The following ARHGEF17 variants were observed in gnomAD, a reference collection of about 807,000 sequenced individuals.
ARHGEF17 encodes 164 kDa Rho-specific guanine-nucleotide exchange factor.
A neutral mutation model predicts 174.0 loss-of-function variants in ARHGEF17; 80 were observed. That is an observed-to-expected ratio of 0.46 (90% CI 0.38 to 0.55). The LOEUF (loss-of-function observed/expected upper bound fraction) is 0.55. ARHGEF17 is among the 20% of genes least tolerant of loss of function. The pLI, the probability that ARHGEF17 is intolerant of heterozygous loss-of-function variation, is 0.00. For missense variants in ARHGEF17, 2,886 were observed against 2,839.7 expected (o/e 1.02, Z -0.37); for synonymous variants, 1,311 against 1,189.1 (o/e 1.10, Z -2.11).
chr11:73,336,049 G>A (rs755616983), intron 1 of ARHGEF17, among the ~76,000 whole-genome samples: 2 of 152,212 alleles, frequency 1.3e-5, no homozygotes, highest in Non-Finnish European at 2.9e-5. Context: ...CCATGGAAGA[G>A]AATACAGCCT....
chr11:73,315,342 G>C (rs1342910307), intron 1 of ARHGEF17, among the ~76,000 whole-genome samples: 2 of 152,320 alleles, frequency 1.3e-5, no homozygotes, highest in East Asian at 3.9e-4. Flanking sequence ...CACACAGCAA[G>C]GGCGGGCAGA....
intron 1 of ARHGEF17, among the ~76,000 whole-genome samples, chr11:73,323,688 C>A (rs927697710): frequency 6.6e-6 from 1 of 152,246 alleles, no homozygotes; most frequent in Non-Finnish European, 1.5e-5. Context: ...CCAAGGCCAG[C>A]GGGGGCGTTG....
chr11:73,338,631 G>A (rs1424547842), intron 1 of ARHGEF17, among the ~76,000 whole-genome samples: 2 of 152,084 alleles, frequency 1.3e-5, no homozygotes, highest in African/African-American at 4.8e-5. Flanking sequence ...ATCTGTTCAT[G>A]TCACTGTCTT....
Position 73,356,250 on chromosome 11 carries a change from G to A in ARHGEF17, c.3739G>A (p.Val1247Met). 2 of 1,613,918 alleles carry A rather than the reference G, an allele frequency of 1.2e-6. No individual in the cohort carries two copies. Among genetic ancestry groups the A allele is most frequent in the Non-Finnish European group, 1.7e-6 (2 of 1,180,036 alleles). ...LLEAQRNIKQ[V>M]AERINKGVRS... Reference sequence around the variant, plus strand: ...GGAGGCGCAGCGGAACATCAAGCAGGTGGCTGAGCGCATCAACAAGGGTGT... The same window carrying A: ...GGAGGCGCAGCGGAACATCAAGCAGATGGCTGAGCGCATCAACAAGGGTGT... The change falls in exon 6 of 21, where the codon GTG becomes ATG. Residue 1247 changes from valine to methionine, a missense_variant. Transcript: ENST00000263674.
intron 15 of ARHGEF17, 24 bp from the exon 16 acceptor site, chr11:73,363,723 C>T (rs905179499): frequency 6.2e-7 from 1 of 1,613,244 alleles, no homozygotes; most frequent in African/African-American, 1.3e-5. Context: ...AGCATTTGTC[C>T]CAGGTGCATA....
intron 3 of ARHGEF17, among the ~76,000 whole-genome samples, chr11:73,354,465 C>T (rs1429143322): frequency 6.6e-6 from 1 of 152,164 alleles, no homozygotes; most frequent in East Asian, 1.9e-4. Flanking sequence ...CTTGTAATCC[C>T]AGCACTTTGG....
In ARHGEF17 at chr11:73,310,450, C is replaced by G; in HGVS notation, c.1812C>G (p.Arg604=). The G allele has an allele frequency of 6.2e-7, 1 of 1,614,030 alleles. No individual in the cohort carries two copies. Among genetic ancestry groups the G allele is most frequent in the Non-Finnish European group, 8.5e-7 (1 of 1,180,046 alleles). Reference sequence around the variant, plus strand: ...GCCAGGTTTTTGAGAAGATCCAGCGCATGGGTGCCCAACAAGATGATGGAA... The same window carrying G: ...GCCAGGTTTTTGAGAAGATCCAGCGGATGGGTGCCCAACAAGATGATGGAA... ...EARQVFEKIQ[R]MGAQQDDGSD... The change falls in exon 1 of 21, where the codon CGC becomes CGG. Residue 604 remains arginine (R), a synonymous_variant. Coordinates refer to ENST00000263674, the MANE Select transcript of ARHGEF17 (RefSeq NM_014786.4).
In ARHGEF17 at chr11:73,311,168, G is replaced by C; in HGVS notation, c.2530G>C (p.Gly844Arg). Residue 844 changes from glycine to arginine, a missense_variant, in exon 1 of 21, where the codon GGC (glycine) becomes CGC (arginine). Gly to Arg is a moderately radical substitution (Grantham distance 125, BLOSUM62 -2). Transcript: ENST00000263674. ...GGAGCTGGCTGGGCCTGGATTCGAG[G>C]GCCCTGGAGGGGAGCCCATCCGAGA... Reference protein sequence around the residue: ...RGELAGPGFEGPGGEPIREVE... With the variant: ...RGELAGPGFERPGGEPIREVE... 6.3e-7 allele frequency: 1 copy of C among 1,593,074 alleles called. No individual in the cohort carries two copies. The highest frequency in any genetic ancestry group is 8.6e-7 in the Non-Finnish European group (1 of 1,166,820).
In ARHGEF17 at chr11:73,309,855, C is replaced by G; in HGVS notation, c.1217C>G (p.Ser406Cys). 1 of 1,613,196 alleles carries G rather than the reference C, an allele frequency of 6.2e-7. No individual in the cohort carries two copies. Among genetic ancestry groups the G allele is most frequent in the South Asian group, 1.1e-5 (1 of 91,084 alleles). The change falls in exon 1 of 21, where the codon TCT becomes TGT. Residue 406 changes from serine (S) to cysteine (C), a missense_variant. Ser to Cys is a moderately radical substitution (Grantham distance 112, BLOSUM62 -1). This residue lies in a region of ARHGEF17 where 1,728 missense variants were observed against 1,461.2 expected (regional missense o/e 1.18). Coordinates refer to ENST00000263674, the MANE Select transcript of ARHGEF17 (RefSeq NM_014786.4). The part of the protein sequence containing the change: ...TETLKDDDLW[S>C]SRGSGGWGVY... Reference sequence around the variant, plus strand: ...ACCCTCAAGGACGACGACCTATGGTCTAGTAGGGGTTCTGGGGGCTGGGGC... The same window carrying G: ...ACCCTCAAGGACGACGACCTATGGTGTAGTAGGGGTTCTGGGGGCTGGGGC...
intron 1 of ARHGEF17, among the ~76,000 whole-genome samples, chr11:73,320,628 C>CAAAAA (rs1165583721): frequency 8.7e-5 from 5 of 57,690 alleles, no homozygotes; most frequent in South Asian, 1.4e-3. Flanking sequence ...GACTCCGTCT[C>CAAAAA]AAAAAAAAAA....
chr11:73,311,084 G>A lies in ARHGEF17; in HGVS notation c.2446G>A (p.Asp816Asn), dbSNP rs151136328. Residue 816 changes from aspartate (D) to asparagine (N), a missense_variant, in exon 1 of 21, where the codon GAC becomes AAC. Transcript: ENST00000263674. Reference protein sequence around the residue: ...GPGTLGRVVDDRIAGKAPKKK... With the variant: ...GPGTLGRVVDNRIAGKAPKKK... ...TGGCACCCTGGGGCGTGTGGTGGAC[G>A]ACAGGATTGCTGGCAAAGCCCCCAA... The A allele has an allele frequency of 5.8e-5, 94 of 1,609,934 alleles. No homozygotes were observed. The African/African-American group carries it at 9.9e-4, about 17-fold the overall frequency.
At chr11:73,363,135 A>G (rs1463885281) in intron 14 of ARHGEF17, 71 bp from the exon 15 acceptor site, 12 of 1,452,490 alleles carry the variant, frequency 8.3e-6, no homozygotes, top group Non-Finnish European at 1.0e-5. Flanking sequence ...GGAGGGATGC[A>G]TGGCCTAGAA....
At chr11:73,331,392 T>C (rs771694391) in intron 1 of ARHGEF17, among the ~76,000 whole-genome samples, 1 of 152,140 alleles carries the variant, frequency 6.6e-6, no homozygotes, top group East Asian at 1.9e-4. Flanking sequence ...ATTGCTCTTC[T>C]TGGCTTTCCT....
intron 1 of ARHGEF17, among the ~76,000 whole-genome samples, chr11:73,315,478 C>A (rs556390898): frequency 6.6e-6 from 1 of 152,180 alleles, no homozygotes; most frequent in Non-Finnish European, 1.5e-5. Flanking sequence ...TTCTTTCTCC[C>A]CTTTTGGCGG....
At chr11:73,315,183 C>G (rs573954748) in intron 1 of ARHGEF17, among the ~76,000 whole-genome samples, 1 of 152,116 alleles carries the variant, frequency 6.6e-6, no homozygotes, top group African/African-American at 2.4e-5. Flanking sequence ...ATCTGAGTAG[C>G]GGGGACAAGT....
intron 2 of ARHGEF17, among the ~76,000 whole-genome samples, chr11:73,350,443 G>A (rs1236223423): frequency 6.6e-6 from 1 of 152,200 alleles, no homozygotes; most frequent in East Asian, 1.9e-4. Flanking sequence ...TTGAAACCCT[G>A]TCATTGTGAC....
At chr11:73,347,626 CTA>C (rs1015952645) in intron 2 of ARHGEF17, among the ~76,000 whole-genome samples, 3 of 152,238 alleles carry the variant, frequency 2.0e-5, no homozygotes, top group African/African-American at 7.2e-5. Context: ...GGTCCCATAG[CTA>C]TGCTGTCGGA....
intron 15 of ARHGEF17, 112 bp downstream of exon 15, chr11:73,363,567 G>A (rs763431295): frequency 2.0e-6 from 3 of 1,518,490 alleles, no homozygotes; most frequent in Non-Finnish European, 2.7e-6. Context: ...CACACCTCAG[G>A]GGTACTGCTG....
At chr11:73,334,015 C>T (rs1865250033) in intron 1 of ARHGEF17, among the ~76,000 whole-genome samples, 2 of 152,224 alleles carry the variant, frequency 1.3e-5, no homozygotes, top group Non-Finnish European at 2.9e-5. Context: ...GTGAACTGAG[C>T]ACTTAACTGT....
Sources: allele counts gnomAD v4.1 joint callset (sites outside exome capture counted in the v4.1 genomes callset), GRCh38; gene constraint gnomAD v4.1.1; regional missense constraint gnomAD v4.1.1; transcripts MANE v1.5; gene names NCBI Gene and HGNC (gene_info 2026-07-23, HGNC 2026-07-21).